KANK4: variants seen among roughly 807,000 people sequenced by gnomAD.
The protein encoded by KANK4 is KN motif and ankyrin repeat domains 4.
A neutral mutation model predicts 80.8 loss-of-function variants in KANK4; 50 were observed. The observed-to-expected ratio is 0.62, with a 90% CI of 0.49 to 0.78. The LOEUF is 0.78. KANK4 is among the 30% of genes least tolerant of loss of function. The pLI is 0.00. For synonymous variants in KANK4, 465 were observed against 506.9 expected, an observed-to-expected ratio of 0.92 and a Z score of 1.11; for missense variants, 1,196 against 1,240.1, an observed-to-expected ratio of 0.96 and a Z score of 0.53.
chr1:62,270,632 C>T (rs1475504581), intron 4 of KANK4, among the ~76,000 whole-genome samples: 1 of 152,062 alleles, frequency 6.6e-6, no homozygotes, highest in Admixed American at 6.5e-5. Flanking sequence ...GATCTGTCCA[C>T]CTGAGCCTCC....
rs922360865 is a variant in KANK4 at position 62,238,182 on chromosome 1, G to A, written c.*95C>T. 1 of 744,742 alleles carries A rather than the reference G, an allele frequency of 1.3e-6. No homozygotes were observed. The allele number at this position is 744,742 out of a possible 1,614,324, so 46.1% of individuals were successfully genotyped here. A position where few individuals can be genotyped will look rare whatever the true frequency, so the allele number is the denominator to read the frequency against. On this transcript the variant is annotated 3_prime_UTR_variant, in exon 10 of 10. Coordinates refer to ENST00000371153, the MANE Select transcript of KANK4 (RefSeq NM_181712.5). ...GACATAGTTTCTTCTCTAGAAGGGT[G>A]GCTCTCTGGCCTGTGACCTCTGCCC...
intron 2 of KANK4, among the ~76,000 whole-genome samples, chr1:62,279,806 T>C (rs2666483): frequency 0.27 from 41,086 of 151,804 alleles, 6,076 homozygotes; most frequent in East Asian, 0.58. Flanking sequence ...TCCAAGAAAA[T>C]AATTCTGGAG....
chr1:62,278,320 T>TCTTTCTTCCTTCCTTCCTTC (rs1420040026), intron 2 of KANK4, among the ~76,000 whole-genome samples: 2 of 60,530 alleles, frequency 3.3e-5, no homozygotes, highest in East Asian at 1.6e-3. Context: ...ACATTTTCTT[T>TCTTTCTTCCTTCCTTCCTTC]CTTCCTTCCT....
In KANK4 at chr1:62,238,372, T is replaced by C. The variant is rs766738410; in HGVS notation, c.2893A>G (p.Thr965Ala). 1.2e-6 allele frequency: 2 copies of C among 1,613,900 alleles called. No individual in the cohort carries two copies. Among genetic ancestry groups the C allele is most frequent in the Admixed American group, 3.3e-5 (2 of 60,008 alleles). The change falls in exon 10 of 10, where the codon ACA becomes GCA. Residue 965 changes from threonine (T) to alanine (A), a missense_variant. This residue lies in a region of KANK4 where 1,154 missense variants were observed against 1,179.6 expected (regional missense o/e 0.98). Coordinates refer to ENST00000371153, the MANE Select transcript of KANK4 (RefSeq NM_181712.5). ...GACTTCAGAGCGATGGACAAAGCTGTGCGGCCAGCCTACAGGAGAAAAAGG... is the reference window on the plus strand; with the variant it reads ...GACTTCAGAGCGATGGACAAAGCTGCGCGGCCAGCCTACAGGAGAAAAAGG... ...DSSLTDKAGR[T>A]ALSIALKSPT...
chr1:62,252,249 C>T (rs1222544161), intron 8 of KANK4, among the ~76,000 whole-genome samples: 2 of 152,204 alleles, frequency 1.3e-5, no homozygotes, highest in East Asian at 1.9e-4. Context: ...GTGGAGCCCA[C>T]GTGTCCTGAA....
intron 7 of KANK4, among the ~76,000 whole-genome samples, chr1:62,257,114 G>A (rs887456095): frequency 6.6e-6 from 1 of 152,076 alleles, no homozygotes; most frequent in Non-Finnish European, 1.5e-5. Context: ...TTGAGATGGA[G>A]TCTCACTCTA....
In KANK4 at chr1:62,281,557, T is replaced by G. The variant is rs1220106340; in HGVS notation, c.8A>C (p.Lys3Thr). ME[K>T]TDAKDQSSQG... is the part of the protein sequence containing the mutation. Reference sequence around the variant, plus strand: ...CAAAGCAGCTTGCCTACCATCTGTCTTCTCCATCTTTGGAGCGCTGACCCT... The same window carrying G: ...CAAAGCAGCTTGCCTACCATCTGTCGTCTCCATCTTTGGAGCGCTGACCCT... Residue 3 changes from lysine to threonine, a missense_variant, in exon 2 of 10, where the codon AAG becomes ACG. Lys to Thr is a moderately conservative substitution (Grantham distance 78, BLOSUM62 -1). This residue lies in a region of KANK4 where 36 missense variants were observed against 34.0 expected (regional missense o/e 1.06). Coordinates refer to ENST00000371153, the MANE Select transcript of KANK4 (RefSeq NM_181712.5). 3 of 1,614,226 alleles carry G rather than the reference T, an allele frequency of 1.9e-6. No homozygotes were observed. Among genetic ancestry groups the G allele is most frequent in the South Asian group, 1.1e-5 (1 of 91,082 alleles).
chr1:62,243,723 C>G (rs1269035846), intron 9 of KANK4, among the ~76,000 whole-genome samples: 2 of 152,152 alleles, frequency 1.3e-5, no homozygotes, highest in Non-Finnish European at 2.9e-5. Context: ...ATGTCAGGAG[C>G]ATTTGCTCAC....
At chr1:62,253,593 T>C (rs1257223756) in intron 7 of KANK4, among the ~76,000 whole-genome samples, 1 of 151,848 alleles carries the variant, frequency 6.6e-6, no homozygotes, top group Non-Finnish European at 1.5e-5. Flanking sequence ...TTTGTATTTT[T>C]AGTAGAGACG....
intron 1 of KANK4, among the ~76,000 whole-genome samples, chr1:62,289,357 C>G (rs555195171): frequency 2.0e-4 from 31 of 152,314 alleles, no homozygotes; most frequent in Admixed American, 5.2e-4. Context: ...ATATGCTGCT[C>G]TTAACCATGG....
chr1:62,278,070 G>A (rs940286165), intron 2 of KANK4, among the ~76,000 whole-genome samples: 2 of 152,170 alleles, frequency 1.3e-5, no homozygotes, highest in East Asian at 1.9e-4. Flanking sequence ...GTATGCACGC[G>A]AACAAGCTTT....
At chr1:62,265,555 C>T (rs1248227062) in intron 6 of KANK4, among the ~76,000 whole-genome samples, 1 of 152,102 alleles carries the variant, frequency 6.6e-6, no homozygotes, top group Non-Finnish European at 1.5e-5. Flanking sequence ...CATATTGGTT[C>T]TTTAGGGAAC....
chr1:62,307,111 G>A (rs881548), intron 1 of KANK4, among the ~76,000 whole-genome samples: 8 of 152,020 alleles, frequency 5.3e-5, no homozygotes, highest in Non-Finnish European at 1.2e-4. Flanking sequence ...CCTTCACTTC[G>A]TCCAGGTTCC....
intron 1 of KANK4, among the ~76,000 whole-genome samples, chr1:62,294,804 C>A (rs929116802): frequency 1.3e-5 from 2 of 152,200 alleles, no homozygotes; most frequent in Non-Finnish European, 2.9e-5. Context: ...GGCAGCATGC[C>A]AGCCAGAGGA....
At chr1:62,284,149 T>A (rs1263672877) in intron 1 of KANK4, among the ~76,000 whole-genome samples, 1 of 152,150 alleles carries the variant, frequency 6.6e-6, no homozygotes, top group African/African-American at 2.4e-5. Context: ...CTTTCCTCCA[T>A]GGTCCTAGCA....
At chr1:62,288,072 A>G (rs143233458) in intron 1 of KANK4, among the ~76,000 whole-genome samples, 175 of 152,294 alleles carry the variant, frequency 1.1e-3, no homozygotes, top group Non-Finnish European at 1.9e-3. Flanking sequence ...AAAGCCCTCC[A>G]TGTTACCAGC....
At chr1:62,242,081 G>A (rs1671354667) in intron 9 of KANK4, among the ~76,000 whole-genome samples, 1 of 152,244 alleles carries the variant, frequency 6.6e-6, no homozygotes, top group Non-Finnish European at 1.5e-5. Flanking sequence ...GCTCCCATGG[G>A]AGCCAGGTAT....
At chr1:62,242,339 G>A (rs1671362112) in intron 9 of KANK4, among the ~76,000 whole-genome samples, 1 of 135,682 alleles carries the variant, frequency 7.4e-6, no homozygotes, top group African/African-American at 3.0e-5. Context: ...TCCAGCCTGG[G>A]CAACAGGGTG....
At chr1:62,243,243 AC>A (rs2149114733) in intron 9 of KANK4, among the ~76,000 whole-genome samples, 1 of 151,954 alleles carries the variant, frequency 6.6e-6, no homozygotes, top group African/African-American at 2.4e-5. Flanking sequence ...CTGATCCAGC[AC>A]TTCCCCGGGA....
Sources: gnomAD v4.1 joint callset for allele counts (sites outside exome capture counted in the v4.1 genomes callset) on GRCh38, gnomAD v4.1.1 for gene constraint, gnomAD v4.1.1 regional missense constraint, MANE v1.5 for transcripts, NCBI Gene and HGNC (gene_info 2026-07-23, HGNC 2026-07-21) for gene names.